RALYL: variants seen among roughly 807,000 people sequenced by gnomAD.
RALYL encodes RALY RNA binding protein like, also known as RNA-binding Raly-like protein.
In RALYL, 29 loss-of-function variants were observed where a neutral mutation model predicts 35.1. The observed-to-expected ratio is 0.83, with a 90% CI of 0.61 to 1.13. RALYL has a LOEUF of 1.13. Ranked by LOEUF, RALYL falls within the 50% of genes most tolerant of loss-of-function variation. The probability of loss-of-function intolerance (pLI) is 0.00; values close to 1 mark genes in which losing one functional copy is unlikely to be tolerated. For synonymous variants in RALYL, 120 were observed against 127.6 expected (o/e 0.94, Z 0.40); for missense variants, 359 against 360.4 (o/e 1.00, Z 0.03).
At chr8:84,712,705 G>C (rs1842386043) in intron 2 of RALYL, among the ~76,000 whole-genome samples, 1 of 152,060 alleles carries the variant, frequency 6.6e-6, no homozygotes. Context: ...CAGGTGTTTA[G>C]GTAATTGTTT....
chr8:84,372,897 T>TTTGTTTTGTTTTTTTTTTTTTG (rs1856133305), intron 1 of RALYL, among the ~76,000 whole-genome samples: 1 of 136,960 alleles, frequency 7.3e-6, no homozygotes, highest in Non-Finnish European at 1.6e-5. Flanking sequence ...TTTTTTTTTT[T>TTTGTTTTGTTTTTTTTTTTTTG]TTTTTTTTTT....
At chr8:84,659,642 A>T (rs1235028327) in intron 2 of RALYL, among the ~76,000 whole-genome samples, 2 of 152,192 alleles carry the variant, frequency 1.3e-5, no homozygotes, top group African/African-American at 4.8e-5. Context: ...AATATGTGAT[A>T]GTGGACTAGG....
intron 2 of RALYL, chr8:84,679,683 T>G: frequency 2.0e-6 from 1 of 506,984 alleles, no homozygotes; most frequent in Non-Finnish European, 4.0e-6. Context: ...ATGTGAGAAC[T>G]AATTCATCAG....
intron 2 of RALYL, among the ~76,000 whole-genome samples, chr8:84,559,617 G>A (rs1218029298): frequency 6.6e-6 from 1 of 152,012 alleles, no homozygotes; most frequent in African/African-American, 2.4e-5. Flanking sequence ...AATCAGGAAT[G>A]GCGTAATAGA....
intron 8 of RALYL, among the ~76,000 whole-genome samples, chr8:84,888,922 G>C (rs971876065): frequency 1.3e-5 from 2 of 151,970 alleles, no homozygotes; most frequent in Admixed American, 6.6e-5. Context: ...GCTAATTTTT[G>C]TAATTTTAAT....
intron 3 of RALYL, among the ~76,000 whole-genome samples, chr8:84,801,515 A>T (rs925988945): frequency 1.3e-5 from 2 of 152,148 alleles, no homozygotes; most frequent in Admixed American, 6.5e-5. Context: ...GATGGTGATG[A>T]TAAGTATTAC....
chr8:84,522,595 C>G (rs2058551082), intron 1 of RALYL, among the ~76,000 whole-genome samples: 1 of 152,132 alleles, frequency 6.6e-6, no homozygotes, highest in African/African-American at 2.4e-5. Context: ...ATATCACTCA[C>G]TTTAAGAGAT....
intron 2 of RALYL, among the ~76,000 whole-genome samples, chr8:84,744,696 T>C (rs1189825788): frequency 1.3e-5 from 2 of 151,952 alleles, no homozygotes; most frequent in Non-Finnish European, 2.9e-5. Flanking sequence ...GGAAGGTCAT[T>C]AACTGTGTTC....
intron 1 of RALYL, among the ~76,000 whole-genome samples, chr8:84,253,181 T>G (rs891278279): frequency 1.8e-5 from 2 of 112,498 alleles, no homozygotes; most frequent in East Asian, 2.4e-4. Flanking sequence ...CTGCAGTTTT[T>G]TTTTTTTTTT....
At chr8:84,688,486 C>T (rs541289559) in intron 2 of RALYL, among the ~76,000 whole-genome samples, 16 of 151,876 alleles carry the variant, frequency 1.1e-4, no homozygotes, top group Non-Finnish European at 1.8e-4. Context: ...AAAATCACTT[C>T]GATAAGTGTT....
intron 1 of RALYL, among the ~76,000 whole-genome samples, chr8:84,401,524 G>T (rs1292935305): frequency 6.6e-6 from 1 of 150,862 alleles, no homozygotes; most frequent in Non-Finnish European, 1.5e-5. Context: ...TGTAATCCCA[G>T]CTACTCGGGA....
At chr8:84,626,345 T>C (rs1409448522) in intron 2 of RALYL, among the ~76,000 whole-genome samples, 1 of 152,212 alleles carries the variant, frequency 6.6e-6, no homozygotes. Flanking sequence ...GATTTGTCAG[T>C]GAAATTCTGA....
At chr8:84,719,799 T>A (rs1412189099) in intron 2 of RALYL, among the ~76,000 whole-genome samples, 2 of 152,138 alleles carry the variant, frequency 1.3e-5, no homozygotes, top group African/African-American at 4.8e-5. Context: ...CAAAATTCTC[T>A]CTTCCACCTA....
At position 84,830,408 on chromosome 8, in the gene RALYL, C is replaced by T. The variant is rs150726721; in HGVS notation, c.366-19572C>T. On this transcript the variant is annotated intron_variant, in intron 4 of 8. Coordinates refer to ENST00000521268, the MANE Select transcript of RALYL (RefSeq NM_173848.7). ...GAAAAAATGGGGGGTGGGGGTCTAA[C>T]ACAAAAGGGAAGGAAGTCCCCAAGG... is the stretch of plus-strand genomic sequence containing the variant. Among the ~76,000 whole-genome samples, 153 of 152,068 alleles carry T rather than the reference C, an allele frequency of 1.0e-3. 1 individual carries two copies. Among genetic ancestry groups the T allele is most frequent in the African/African-American group, 3.6e-3 (150 of 41,474 alleles).
chr8:84,205,364 G>A (rs1817822125), intron 1 of RALYL, among the ~76,000 whole-genome samples: 2 of 152,252 alleles, frequency 1.3e-5, no homozygotes, highest in East Asian at 1.9e-4. Context: ...GGAAGGCCAC[G>A]TGTCTAGAAA....
Position 84,508,985 on chromosome 8 carries a change from C to T in RALYL, c.-23-20314C>T, listed in dbSNP as rs372415765. On this transcript the variant is annotated intron_variant, in intron 1 of 8. Transcript: ENST00000521268. ...ACTGTTTCTTGAATAACTAAATTTG[C>T]GATTCCAAAAATATTTTTCTGCTTA... is the stretch of plus-strand genomic sequence containing the variant. Among the ~76,000 whole-genome samples the T allele has an allele frequency of 1.4e-4, 22 of 151,918 alleles. 2 individuals carry two copies. The South Asian group carries it at 3.9e-3, about 27-fold the overall frequency.
chr8:84,917,963 A>C (rs920816104), intron 8 of RALYL, among the ~76,000 whole-genome samples: 1 of 152,060 alleles, frequency 6.6e-6, no homozygotes, highest in African/African-American at 2.4e-5. Context: ...CATTGTCTAT[A>C]AAAAGTGTGA....
At chr8:84,783,152 A>T (rs993354444) in intron 3 of RALYL, among the ~76,000 whole-genome samples, 1 of 110,644 alleles carries the variant, frequency 9.0e-6, no homozygotes, top group Non-Finnish European at 1.9e-5. Flanking sequence ...AAGAAATTGA[A>T]ATGTCTCTAA....
At chr8:84,522,262 T>TG (rs1355230358) in intron 1 of RALYL, among the ~76,000 whole-genome samples, 1 of 150,424 alleles carries the variant, frequency 6.6e-6, no homozygotes, top group Non-Finnish European at 1.5e-5. Flanking sequence ...TTTTTTTTTT[T>TG]TTTTTGAGAT....
Sources: allele counts gnomAD v4.1 joint callset (sites outside exome capture counted in the v4.1 genomes callset), GRCh38; gene constraint gnomAD v4.1.1; transcripts MANE v1.5; gene names NCBI Gene and HGNC (gene_info 2026-07-23, HGNC 2026-07-21).